The following PVT1 variants were observed in gnomAD, a reference collection of about 807,000 sequenced individuals.
PVT1 encodes Pvt1 oncogene.
chr8:127,985,780 G>T (rs776212246), intron 3 of PVT1, among the ~76,000 whole-genome samples: 2 of 152,144 alleles, frequency 1.3e-5, no homozygotes, highest in Non-Finnish European at 2.9e-5. Flanking sequence ...GCTCTTGCAG[G>T]TACCATAGTC....
chr8:127,898,057 G>A lies in PVT1; in HGVS notation n.782+7059G>A, dbSNP rs756536930. ...AATATACTCTGTCCTTTGTACCTGC[G>A]TGAAGAAAGAAAAGAAAAGAAAGAA... is the stretch of plus-strand genomic sequence containing the variant. On this transcript the variant is annotated intron_variant and non_coding_transcript_variant, in intron 3 of 10. Transcript: ENST00000651587. The surrounding 1 kb of genome is among the most constrained non-coding windows in gnomAD (Gnocchi z 4.4). Among the ~76,000 whole-genome samples, 26 of 146,000 alleles carry A rather than the reference G, an allele frequency of 1.8e-4. No homozygotes were observed. The highest frequency in any genetic ancestry group is 3.8e-4 in the African/African-American group (15 of 39,498).
chr8:128,052,616 T>G (rs148871239), intron 4 of PVT1, among the ~76,000 whole-genome samples: 6 of 152,334 alleles, frequency 3.9e-5, no homozygotes, highest in Non-Finnish European at 8.8e-5. Context: ...CTCTTCATAG[T>G]ATTATTTAAA....
At chr8:128,038,626 T>C (rs899988413) in intron 4 of PVT1, among the ~76,000 whole-genome samples, 1 of 152,164 alleles carries the variant, frequency 6.6e-6, no homozygotes, top group African/African-American at 2.4e-5. Flanking sequence ...CTGTTTAGGA[T>C]CATTTCACAG....
chr8:127,804,538 A>ATTT lies in PVT1; in HGVS notation n.372+8485_372+8487dup, dbSNP rs35404021. On this transcript the variant is annotated intron_variant and non_coding_transcript_variant, in intron 2 of 10. Coordinates refer to ENST00000651587, the Ensembl canonical transcript of PVT1. ...ATCATAGTGTATATGTTGCATCCTG[A>ATTT]TTTTTTTTTTTTTTTTTTTTGAGAC... Among the ~76,000 whole-genome samples the ATTT allele has an allele frequency of 1.8e-3, 198 of 112,672 alleles. 7 individuals carry two copies. The highest frequency in any genetic ancestry group is 6.1e-3 in the African/African-American group (176 of 28,862). The allele number at this position is 112,672 out of a possible 152,430, so 73.9% of individuals were successfully genotyped here. A position where few individuals can be genotyped will look rare whatever the true frequency, so the allele number is the denominator to read the frequency against.
At chr8:128,002,060 G>A (rs28566759) in intron 4 of PVT1, among the ~76,000 whole-genome samples, 21,400 of 152,264 alleles carry the variant, frequency 0.14, 1,978 homozygotes, top group Admixed American at 0.26. Context: ...GACCAGGCAC[G>A]TCAACAATCT....
chr8:128,013,217 T>G (rs1415328912), intron 4 of PVT1, among the ~76,000 whole-genome samples: 1 of 152,140 alleles, frequency 6.6e-6, no homozygotes, highest in East Asian at 1.9e-4. Context: ...CTCTGTAACA[T>G]GGGGATAATA....
rs184395893 is a variant in PVT1, at chr8:127,999,532, T to G, written n.912+10241T>G. The stretch of plus-strand genomic sequence containing the variant: ...GCTGGAGTGCAGTGGTGTGATCTCG[T>G]CTCACTGCAACCTCGCTCTCCCAGG... On this transcript the variant is annotated intron_variant and non_coding_transcript_variant, in intron 4 of 10. Transcript: ENST00000651587. Among the ~76,000 whole-genome samples, 11 of 151,850 alleles carry G rather than the reference T, an allele frequency of 7.2e-5. No individual in the cohort carries two copies. The East Asian group carries it at 1.9e-3, about 27-fold the overall frequency.
intron 3 of PVT1, among the ~76,000 whole-genome samples, chr8:127,967,196 G>C (rs1338667971): frequency 6.6e-6 from 1 of 152,186 alleles, no homozygotes; most frequent in African/African-American, 2.4e-5. Context: ...TGATGACAAA[G>C]GGACAGGTCA....
chr8:127,818,457 A>G (rs1215696487), intron 2 of PVT1, among the ~76,000 whole-genome samples: 2 of 152,146 alleles, frequency 1.3e-5, no homozygotes. Flanking sequence ...CTCTTCCAGG[A>G]GAGGGACCCG....
At chr8:127,869,522 C>T (rs2129767176) in intron 2 of PVT1, among the ~76,000 whole-genome samples, 2 of 152,234 alleles carry the variant, frequency 1.3e-5, no homozygotes, top group Middle Eastern at 3.4e-3. Flanking sequence ...CAGTGTTGGA[C>T]TAATATCACA....
At chr8:127,986,753 A>G (rs115809470) in intron 3 of PVT1, among the ~76,000 whole-genome samples, 2,261 of 152,332 alleles carry the variant, frequency 0.015, 61 homozygotes, top group African/African-American at 0.053. Flanking sequence ...TGGCCTGCCC[A>G]GGATTCTTTG....
chr8:128,058,676 A>G (rs769109376), intron 4 of PVT1, among the ~76,000 whole-genome samples: 1 of 152,194 alleles, frequency 6.6e-6, no homozygotes, highest in Non-Finnish European at 1.5e-5. Flanking sequence ...ATCTTTGTGA[A>G]TATGTTTTCC....
At chr8:127,993,989 A>G (rs1817074473) in intron 4 of PVT1, among the ~76,000 whole-genome samples, 1 of 152,148 alleles carries the variant, frequency 6.6e-6, no homozygotes, top group Admixed American at 6.5e-5. Flanking sequence ...GCTTGGAGCA[A>G]TTGCATTGCT....
chr8:127,904,221 G>A lies in PVT1; in HGVS notation n.782+13223G>A, dbSNP rs116545808. ...TCTATCCTTAAGGAGCTTACAACTT[G>A]TCTTTGGTATGCAGTAGGGGCATTT... On this transcript the variant is annotated intron_variant and non_coding_transcript_variant, in intron 3 of 10. Coordinates refer to ENST00000651587, the Ensembl canonical transcript of PVT1. Among the ~76,000 whole-genome samples, 943 of 152,302 alleles carry A rather than the reference G, an allele frequency of 6.2e-3. 9 individuals are homozygous for A. Among genetic ancestry groups the A allele is most frequent in the African/African-American group, 0.021 (891 of 41,562 alleles).
chr8:127,985,268 A>T (rs1463467943), intron 3 of PVT1, among the ~76,000 whole-genome samples: 1 of 151,644 alleles, frequency 6.6e-6, no homozygotes, highest in Non-Finnish European at 1.5e-5. Flanking sequence ...TCCTGACCTC[A>T]TGATCCTCCC....
chr8:128,099,791 A>G (rs1478792817), intron 6 of PVT1: 2 of 151,968 alleles, frequency 1.3e-5, no homozygotes, highest in African/African-American at 4.8e-5. Flanking sequence ...GCTGTTTTCT[A>G]GAACGTTCTT....
intron 4 of PVT1, among the ~76,000 whole-genome samples, chr8:128,024,680 G>A (rs768622807): frequency 5.9e-5 from 9 of 152,036 alleles, no homozygotes; most frequent in African/African-American, 1.2e-4. Context: ...CTCCACGTGA[G>A]CACCTTAAAA....
In PVT1 at chr8:127,962,805, C is replaced by T. The variant is rs534397671; in HGVS notation, n.783-26357C>T. The stretch of plus-strand genomic sequence containing the variant: ...AGAGACGGGGTTTCACCGTGTTGGC[C>T]AGGCTGGTCTCAAACACCTGACCTC... On this transcript the variant is annotated intron_variant and non_coding_transcript_variant, in intron 3 of 10. Transcript: ENST00000651587. Among the ~76,000 whole-genome samples the T allele has an allele frequency of 7.9e-5, 12 of 152,168 alleles. No individual in the cohort carries two copies. The South Asian group carries it at 2.3e-3, about 29-fold the overall frequency.
At chr8:127,997,044 G>GGGTT (rs1554603119) in intron 4 of PVT1, among the ~76,000 whole-genome samples, 1 of 81,594 alleles carries the variant, frequency 1.2e-5, no homozygotes, top group Non-Finnish European at 2.2e-5. Context: ...ATTTGCTTTC[G>GGGTT]TTTTTTTTTT....
Sources: allele counts gnomAD v4.1 joint callset (sites outside exome capture counted in the v4.1 genomes callset), GRCh38; gene constraint gnomAD v4.1.1; non-coding constraint Gnocchi (gnomAD v3.1); transcripts MANE v1.5; gene names NCBI Gene and HGNC (gene_info 2026-07-23, HGNC 2026-07-21).